ZNF25: variants seen among roughly 807,000 people sequenced by gnomAD.
ZNF25 encodes zinc finger protein 25 (KOX 19).
In ZNF25, 21 loss-of-function variants were observed where a neutral mutation model predicts 30.9. That is an observed-to-expected ratio of 0.68 (90% CI 0.48 to 0.98). The LOEUF (loss-of-function observed/expected upper bound fraction) is 0.98, where lower values mean the gene tolerates loss of function less well. Among genes scored for constraint, ZNF25 ranks in the 50% least tolerant of loss-of-function variants. The pLI is 0.00. For missense variants in ZNF25, 501 were observed against 529.9 expected (o/e 0.95, Z 0.54); for synonymous variants, 169 against 181.3 (o/e 0.93, Z 0.55).
At chr10:37,965,218 C>T (rs1780369039) in intron 2 of ZNF25, among the ~76,000 whole-genome samples, 2 of 152,258 alleles carry the variant, frequency 1.3e-5, no homozygotes, top group Non-Finnish European at 2.9e-5. Flanking sequence ...ATGGAGCCCC[C>T]ACAGAGAAAC....
chr10:37,952,844 T>C lies in ZNF25; in HGVS notation c.654A>G (p.Thr218=). The C allele has an allele frequency of 1.2e-6, 2 of 1,614,196 alleles. No individual in the cohort carries two copies. The highest frequency in any genetic ancestry group is 1.7e-6 in the Non-Finnish European group (2 of 1,180,024). Residue 218 remains threonine, a synonymous_variant, in exon 6 of 6, where the codon ACA becomes ACG. Transcript: ENST00000302609. Reference sequence around the variant, plus strand: ...CCCCTGTGTGTGTTTTCTGATGTTCTGTGAGATGTGGTTTCTGGTAGAAGG... The same window carrying C: ...CCCCTGTGTGTGTTTTCTGATGTTCCGTGAGATGTGGTTTCTGGTAGAAGG... The part of the protein sequence containing the change: ...EKSFYQKPHL[T]EHQKTHTGEK...
At chr10:37,964,447 G>A (rs1397933135) in intron 2 of ZNF25, among the ~76,000 whole-genome samples, 1 of 152,186 alleles carries the variant, frequency 6.6e-6, no homozygotes, top group Non-Finnish European at 1.5e-5. Flanking sequence ...TGAAGGCTAA[G>A]CTGATGAGGT....
intron 1 of ZNF25, among the ~76,000 whole-genome samples, chr10:37,973,797 A>G (rs965214960): frequency 4.6e-5 from 7 of 152,252 alleles, no homozygotes; most frequent in Admixed American, 4.6e-4. Flanking sequence ...ATTTATATGG[A>G]ACCACCAAAG....
chr10:37,955,030 T>G (rs1169923890), intron 4 of ZNF25, among the ~76,000 whole-genome samples: 1 of 152,034 alleles, frequency 6.6e-6, no homozygotes, highest in Non-Finnish European at 1.5e-5. Context: ...TGTGGGCACC[T>G]GTAATCCCAG....
At chr10:37,960,827 A>G (rs934214296) in intron 2 of ZNF25, among the ~76,000 whole-genome samples, 4 of 152,144 alleles carry the variant, frequency 2.6e-5, no homozygotes, top group African/African-American at 9.7e-5. Context: ...AAAGAGTCCA[A>G]ATTAGCATAA....
At chr10:37,971,630 AACACACAC>A (rs4007126) in intron 2 of ZNF25, 70 bp downstream of exon 2, 249,886 of 1,387,310 alleles carry the variant, frequency 0.18, 3,962 homozygotes, top group Non-Finnish European at 0.2. Context: ...AAACTCATTA[AACACACAC>A]ACACACACAC....
At chr10:37,961,747 C>T (rs1400697433) in intron 2 of ZNF25, among the ~76,000 whole-genome samples, 1 of 150,194 alleles carries the variant, frequency 6.7e-6, no homozygotes, top group Non-Finnish European at 1.5e-5. Context: ...CATGGAAAAA[C>T]CCCGTCTCTA....
chr10:37,956,244 G>A (rs1227187500), intron 4 of ZNF25, among the ~76,000 whole-genome samples: 2 of 152,166 alleles, frequency 1.3e-5, no homozygotes, highest in Non-Finnish European at 2.9e-5. Flanking sequence ...GCAGCATACC[G>A]ATTTTTAATC....
rs899664521 is a variant in ZNF25, at chr10:37,953,087, C to A, written c.411G>T (p.Gln137His). ...FCQKSALIVHQHTHSKGKSYD... is the reference protein window; with the variant it reads ...FCQKSALIVHHHTHSKGKSYD... ...AGGATTTGCCCTTTGAGTGAGTATG[C>A]TGATGTACTATGAGGGCAGACTTCT... The change falls in exon 6 of 6, where the codon CAG becomes CAT. Residue 137 changes from glutamine to histidine, a missense_variant. Physicochemically the swap from Gln to His is conservative, Grantham distance 24. Coordinates refer to ENST00000302609, the MANE Select transcript of ZNF25 (RefSeq NM_145011.4). 5 of 1,613,780 alleles carry A rather than the reference C, an allele frequency of 3.1e-6. No homozygotes were observed. Among genetic ancestry groups the A allele is most frequent in the Admixed American group, 1.7e-5 (1 of 59,976 alleles).
At chr10:37,963,570 G>T (rs1335630043) in intron 2 of ZNF25, among the ~76,000 whole-genome samples, 2 of 152,184 alleles carry the variant, frequency 1.3e-5, no homozygotes, top group Non-Finnish European at 2.9e-5. Flanking sequence ...GGGAGTTGGG[G>T]ACTGGTAGGA....
At chr10:37,974,095 C>A (rs1020083118) in intron 1 of ZNF25, among the ~76,000 whole-genome samples, 4 of 152,116 alleles carry the variant, frequency 2.6e-5, no homozygotes, top group Admixed American at 2.0e-4. Flanking sequence ...TGAAACTAAA[C>A]CCCTGTCTCT....
intron 2 of ZNF25, among the ~76,000 whole-genome samples, chr10:37,960,476 T>C (rs1482982930): frequency 7.0e-6 from 1 of 142,112 alleles, no homozygotes; most frequent in Non-Finnish European, 1.5e-5. Flanking sequence ...AAAAAAAAAT[T>C]AGCCGGGCGT....
Position 37,953,219 on chromosome 10 carries a change from T to C in ZNF25, c.303-24A>G, listed in dbSNP as rs756072282. On this transcript the variant is annotated intron_variant, in intron 5 of 5. Transcript: ENST00000302609. ...TCCTAGACAGAAAGTTCCACATTCA[T>C]TAATGTGTAAGACTTTTAAGGCTTT... is the stretch of plus-strand genomic sequence containing the variant. 3.9e-6 allele frequency: 6 copies of C among 1,550,114 alleles called. No homozygotes were observed. In the East Asian group the frequency reaches 6.7e-5, roughly 17 times the overall value.
chr10:37,956,933 A>T, intron 4 of ZNF25, 87 bp downstream of exon 4: 1 of 970,258 alleles, frequency 1.0e-6, no homozygotes, highest in East Asian at 2.5e-5. Context: ...AAAAAAAAAA[A>T]AGTGAGAGAT....
Position 37,968,375 on chromosome 10 carries a change from A to C in ZNF25, c.15+3333T>G, listed in dbSNP as rs367882313. Among the ~76,000 whole-genome samples the C allele has an allele frequency of 8.0e-3, 1,180 of 147,664 alleles. 18 individuals carry two copies. Among genetic ancestry groups the C allele is most frequent in the African/African-American group, 0.028 (1,118 of 39,926 alleles). On this transcript the variant is annotated intron_variant, in intron 2 of 5. Transcript: ENST00000302609. ...CCGGCCAATTTTTTTTTTTTTTTTA[A>C]GACAGAGTCTTGCTCTGTCACCCAG...
chr10:37,957,280 C>A, intron 3 of ZNF25, 140 bp downstream of exon 3: 1 of 1,327,368 alleles, frequency 7.5e-7, no homozygotes, highest in Non-Finnish European at 1.0e-6. Context: ...TTTTCTAGTA[C>A]CCAAAATGGA....
chr10:37,957,075 C>T lies in ZNF25; in HGVS notation c.183G>A (p.Lys61=). The T allele has an allele frequency of 6.2e-7, 1 of 1,614,118 alleles. No homozygotes were observed. The highest frequency in any genetic ancestry group is 2.2e-5 in the East Asian group (1 of 44,874). The change falls in exon 4 of 6, where the codon AAG becomes AAA. Residue 61 remains lysine (K), a synonymous_variant. Coordinates refer to ENST00000302609, the MANE Select transcript of ZNF25 (RefSeq NM_145011.4). ...VNKPNAVFKL[K]QGKEPWILEV... is the part of the protein sequence containing the mutation. ...CTAATATCCATGGCTCTTTTCCTTG[C>T]TTCAACTTGAAGACTGCATTTGGCT... is the stretch of plus-strand genomic sequence containing the variant.
chr10:37,952,900 T>C lies in ZNF25; in HGVS notation c.598A>G (p.Lys200Glu). 6.2e-7 allele frequency: 1 copy of C among 1,614,196 alleles called. No homozygotes were observed. The highest frequency in any genetic ancestry group is 8.5e-7 in the Non-Finnish European group (1 of 1,180,022). The change falls in exon 6 of 6, where the codon AAA becomes GAA. Residue 200 changes from lysine (K) to glutamate (E), a missense_variant. By Grantham distance (56) the Lys-to-Glu change is moderately conservative. Transcript: ENST00000302609. Reference sequence around the variant, plus strand: ...TCACACTGATTACATTCATAGGGTTTCTCTCCTGCATGGGTTCTCAGATGT... The same window carrying C: ...TCACACTGATTACATTCATAGGGTTCCTCTCCTGCATGGGTTCTCAGATGT... ...SRHLRTHAGE[K>E]PYECNQCEKS... is the part of the protein sequence containing the mutation.
chr10:37,974,623 T>A (rs1270072589), intron 1 of ZNF25, among the ~76,000 whole-genome samples: 1 of 152,132 alleles, frequency 6.6e-6, no homozygotes, highest in East Asian at 1.9e-4. Flanking sequence ...TAACAAATGC[T>A]GGGATATAGA....
Sources: gnomAD v4.1 joint callset for allele counts (sites outside exome capture counted in the v4.1 genomes callset) on GRCh38, gnomAD v4.1.1 for gene constraint, MANE v1.5 for transcripts, NCBI Gene and HGNC (gene_info 2026-07-23, HGNC 2026-07-21) for gene names.